Variants in CDYL2 observed in about 807,000 individuals in gnomAD.
The protein encoded by CDYL2 is chromodomain Y like 2.
CDYL2 carries 23 observed loss-of-function variants against 49.4 expected under a neutral mutation model. The observed-to-expected ratio is 0.47, with a 90% CI of 0.34 to 0.66. The LOEUF (loss-of-function observed/expected upper bound fraction) is 0.66. CDYL2 is among the 30% of genes least tolerant of loss of function. CDYL2 has a pLI of 0.01. For synonymous variants in CDYL2, 360 were observed against 268.8 expected (o/e 1.34, Z -3.32); for missense variants, 678 against 656.4 (o/e 1.03, Z -0.36).
chr16:80,675,827 G>A (rs529628415), intron 2 of CDYL2, among the ~76,000 whole-genome samples: 15 of 152,156 alleles, frequency 9.9e-5, no homozygotes, highest in African/African-American at 2.2e-4. Flanking sequence ...GGGGAGGATC[G>A]CTTCCACTCC....
chr16:80,644,510 G>T (rs1487027535), intron 2 of CDYL2, among the ~76,000 whole-genome samples: 1 of 152,102 alleles, frequency 6.6e-6, no homozygotes, highest in Non-Finnish European at 1.5e-5. Flanking sequence ...GGTAGACTGG[G>T]GAACAAAAGA....
intron 1 of CDYL2, among the ~76,000 whole-genome samples, chr16:80,709,746 T>C (rs1210227754): frequency 6.6e-6 from 1 of 152,162 alleles, no homozygotes; most frequent in Admixed American, 6.5e-5. Context: ...TTTCAGTCTT[T>C]TTTAAGGTAA....
chr16:80,656,811 G>A (rs759219582), intron 2 of CDYL2, among the ~76,000 whole-genome samples: 1 of 152,142 alleles, frequency 6.6e-6, no homozygotes, highest in Admixed American at 6.5e-5. Context: ...CAGTGGGGTG[G>A]GAGAGGGGAG....
intron 1 of CDYL2, among the ~76,000 whole-genome samples, chr16:80,748,983 A>T (rs1042969551): frequency 8.5e-5 from 13 of 152,312 alleles, no homozygotes; most frequent in African/African-American, 3.1e-4. Context: ...AACATTGAGG[A>T]TAGAAAAATA....
intron 3 of CDYL2, among the ~76,000 whole-genome samples, chr16:80,625,398 T>C (rs1907257280): frequency 1.3e-5 from 2 of 152,190 alleles, no homozygotes; most frequent in Non-Finnish European, 1.5e-5. Flanking sequence ...TTAAAGACCC[T>C]TGTGATTACA....
At chr16:80,645,768 A>C (rs886876119) in intron 2 of CDYL2, among the ~76,000 whole-genome samples, 1 of 152,038 alleles carries the variant, frequency 6.6e-6, no homozygotes, top group African/African-American at 2.4e-5. Context: ...GGATTAAGAA[A>C]ATGTGGCACA....
intron 2 of CDYL2, among the ~76,000 whole-genome samples, chr16:80,633,889 T>G (rs1230269354): frequency 6.6e-6 from 1 of 152,154 alleles, no homozygotes; most frequent in Non-Finnish European, 1.5e-5. Flanking sequence ...TGAAAAGGTT[T>G]GAAAACTAAA....
At chr16:80,750,192 A>G (rs1336855964) in intron 1 of CDYL2, among the ~76,000 whole-genome samples, 1 of 152,138 alleles carries the variant, frequency 6.6e-6, no homozygotes, top group East Asian at 1.9e-4. Context: ...TATGTAACAA[A>G]CCTGCACATG....
rs1001735856 is a variant in CDYL2, at chr16:80,601,913, C to T, written c.*2475G>A. ...GTTTAGAAGTTTGGATTTGATAGTACATCCAAAGCTGAAGCATTTCTAGTT... is the reference window on the plus strand; with the variant it reads ...GTTTAGAAGTTTGGATTTGATAGTATATCCAAAGCTGAAGCATTTCTAGTT... On this transcript the variant is annotated 3_prime_UTR_variant, in exon 7 of 7. Coordinates refer to ENST00000570137, the MANE Select transcript of CDYL2 (RefSeq NM_152342.4). 1.3e-5 allele frequency: 2 copies of T among 152,148 alleles called. No homozygotes were observed. The highest frequency in any genetic ancestry group is 4.8e-5 in the African/African-American group (2 of 41,426). The allele number at this position is 152,148 out of a possible 1,614,324, so 9.4% of individuals were successfully genotyped here. A position where few individuals can be genotyped will look rare whatever the true frequency, so the allele number is the denominator to read the frequency against.
At chr16:80,650,338 A>T (rs1908531829) in intron 2 of CDYL2, among the ~76,000 whole-genome samples, 1 of 152,240 alleles carries the variant, frequency 6.6e-6, no homozygotes, top group South Asian at 2.1e-4. Flanking sequence ...AGGACATACA[A>T]ATGGCAAACA....
chr16:80,753,528 A>C (rs1906208079), intron 1 of CDYL2, among the ~76,000 whole-genome samples: 1 of 152,190 alleles, frequency 6.6e-6, no homozygotes, highest in Admixed American at 6.5e-5. Context: ...GAATCACTTG[A>C]ACTGGGGAGG....
chr16:80,642,856 C>T (rs1022476520), intron 2 of CDYL2, among the ~76,000 whole-genome samples: 4 of 152,152 alleles, frequency 2.6e-5, no homozygotes, highest in East Asian at 1.9e-4. Flanking sequence ...TATGGGAGTA[C>T]AATTCAAGAT....
At chr16:80,803,705 C>A (rs1472563907) in intron 1 of CDYL2, among the ~76,000 whole-genome samples, 3 of 136,640 alleles carry the variant, frequency 2.2e-5, no homozygotes, top group African/African-American at 8.1e-5. Context: ...GGCCGCGCAA[C>A]CCCCGCCCCA....
intron 2 of CDYL2, among the ~76,000 whole-genome samples, chr16:80,681,117 A>G (rs531665868): frequency 3.5e-4 from 53 of 152,322 alleles, no homozygotes; most frequent in African/African-American, 1.3e-3. Flanking sequence ...TAAATGAGTA[A>G]CATGTTACAT....
intron 1 of CDYL2, among the ~76,000 whole-genome samples, chr16:80,689,377 G>A (rs1475991642): frequency 6.6e-6 from 1 of 152,202 alleles, no homozygotes; most frequent in Non-Finnish European, 1.5e-5. Flanking sequence ...CAGGAACTGT[G>A]TAAATCACTT....
At chr16:80,646,774 T>A (rs4344764) in intron 2 of CDYL2, among the ~76,000 whole-genome samples, 2 of 151,376 alleles carry the variant, frequency 1.3e-5, no homozygotes, top group African/African-American at 2.4e-5. Flanking sequence ...GGAGACAGAG[T>A]GAGACTCTGT....
chr16:80,700,012 T>C (rs1193681867), intron 1 of CDYL2, among the ~76,000 whole-genome samples: 1 of 152,202 alleles, frequency 6.6e-6, no homozygotes, highest in East Asian at 1.9e-4. Flanking sequence ...GGACTACAGG[T>C]GCCTGCAACC....
chr16:80,612,604 C>G lies in CDYL2; in HGVS notation c.1218+22G>C. 1.3e-6 allele frequency: 2 copies of G among 1,580,670 alleles called. No individual in the cohort carries two copies. Among genetic ancestry groups the G allele is most frequent in the Non-Finnish European group, 1.7e-6 (2 of 1,162,818 alleles). On this transcript the variant is annotated intron_variant, in intron 5 of 6. Coordinates refer to ENST00000570137, the MANE Select transcript of CDYL2 (RefSeq NM_152342.4). The surrounding 1 kb of genome is among the most constrained non-coding windows in gnomAD (Gnocchi z 5.0). ...GGAAGGATCCTGCTGGGACCCGAATCCAGGTATCACAGGAGGCTTACCAGC... is the reference window on the plus strand; with the variant it reads ...GGAAGGATCCTGCTGGGACCCGAATGCAGGTATCACAGGAGGCTTACCAGC...
chr16:80,802,039 CT>C (rs956267653), intron 1 of CDYL2, among the ~76,000 whole-genome samples: 3 of 138,432 alleles, frequency 2.2e-5, no homozygotes, highest in African/African-American at 9.0e-5. Flanking sequence ...TATTGTCCTC[CT>C]TAACTGAAAT....
Sources: gnomAD v4.1 joint callset for allele counts (sites outside exome capture counted in the v4.1 genomes callset) on GRCh38, gnomAD v4.1.1 for gene constraint, Gnocchi (gnomAD v3.1) non-coding constraint, MANE v1.5 for transcripts, NCBI Gene and HGNC (gene_info 2026-07-23, HGNC 2026-07-21) for gene names.